TEKT1: variants seen among roughly 807,000 people sequenced by gnomAD.
TEKT1 encodes the protein tektin-1.
A neutral mutation model predicts 34.8 loss-of-function variants in TEKT1; 32 were observed. That is an observed-to-expected ratio of 0.92 (90% CI 0.69 to 1.23). TEKT1 has a LOEUF of 1.23. Among genes scored for constraint, TEKT1 ranks in the 50% most tolerant of loss-of-function variants. The pLI is 0.00. For synonymous variants in TEKT1, 207 were observed against 199.8 expected (o/e 1.04, Z -0.30); for missense variants, 492 against 518.5 (o/e 0.95, Z 0.50).
intron 2 of TEKT1, 44 bp downstream of exon 2, chr17:6,830,143 C>G: frequency 1.3e-6 from 2 of 1,564,624 alleles, no homozygotes; most frequent in Non-Finnish European, 1.7e-6. Context: ...ACTCAACAGC[C>G]TCATCCTAGC....
rs543786655 is a variant in TEKT1 at position 6,819,074 on chromosome 17, C to T, written c.356+119G>A. The T allele has an allele frequency of 8.0e-5, 104 of 1,297,830 alleles. No homozygotes were observed. The Middle Eastern group carries it at 1.9e-3, about 23-fold the overall frequency. 80.4% of individuals were successfully genotyped at this position (1,297,830 alleles called of 1,614,324 possible). ...GGGCATGCTGGGATAACTTCAGGCT[C>T]TAAAAGAACACCTGCTCAAGTGCTG... On this transcript the variant is annotated intron_variant, in intron 3 of 7. Coordinates refer to ENST00000338694, the MANE Select transcript of TEKT1 (RefSeq NM_053285.2).
intron 6 of TEKT1, among the ~76,000 whole-genome samples, chr17:6,803,372 T>C (rs1345301811): frequency 6.6e-6 from 1 of 152,238 alleles, no homozygotes; most frequent in Admixed American, 6.5e-5. Context: ...CTTTGTCAGA[T>C]GAGTAGACTG....
Position 6,815,162 on chromosome 17 carries a change from CTTT to C in TEKT1, c.627_629del (p.Asn210del). The C allele has an allele frequency of 6.2e-7, 1 of 1,609,532 alleles. No homozygotes were observed. The highest frequency in any genetic ancestry group is 8.5e-7 in the Non-Finnish European group (1 of 1,177,596). On this transcript the variant is annotated inframe_deletion and splice_region_variant, in exon 5 of 8. Transcript: ENST00000338694. ...GGAGGAAGACGGCAAGGCCCACTCACTTTGGCTCAATCCTCACGGCGTTCTCAG... is the reference window on the plus strand; with the variant it reads ...GGAGGAAGACGGCAAGGCCCACTCACGGCTCAATCCTCACGGCGTTCTCAG...
intron 2 of TEKT1, among the ~76,000 whole-genome samples, chr17:6,826,311 T>G (rs1481579935): frequency 6.6e-6 from 1 of 152,218 alleles, no homozygotes; most frequent in Non-Finnish European, 1.5e-5. Context: ...GCCTTTTTCT[T>G]TTGTATTCTT....
Position 6,800,157 on chromosome 17 carries a change from A to T in TEKT1, c.1127T>A (p.Ile376Asn). ...ATAAATGGTGTTCTCTTTGACCTGG[A>T]TCTCCTCCTGCAGGGCAAGCTGTCT... ...HRRQLALQEE[I>N]QVKENTIYID... The change falls in exon 8 of 8, where the codon ATC becomes AAC. Residue 376 changes from isoleucine to asparagine, a missense_variant. By Grantham distance (149) the Ile-to-Asn change is moderately radical. Coordinates refer to ENST00000338694, the MANE Select transcript of TEKT1 (RefSeq NM_053285.2). The T allele has an allele frequency of 6.2e-7, 1 of 1,614,170 alleles. No homozygotes were observed. The highest frequency in any genetic ancestry group is 1.7e-5 in the Admixed American group (1 of 60,018).
chr17:6,812,463 G>A (rs1976941280), intron 6 of TEKT1, among the ~76,000 whole-genome samples: 1 of 152,204 alleles, frequency 6.6e-6, no homozygotes, highest in Admixed American at 6.5e-5. Context: ...GGGCACGTGA[G>A]AGCATGTAGT....
At chr17:6,800,972 C>T (rs1282902719) in intron 6 of TEKT1, 29 bp from the exon 7 acceptor site, 1 of 1,584,056 alleles carries the variant, frequency 6.3e-7, no homozygotes, top group Non-Finnish European at 8.6e-7. Context: ...GTAGGTGAGG[C>T]CAAGCTGTGC....
At chr17:6,828,813 T>A (rs963537017) in intron 2 of TEKT1, among the ~76,000 whole-genome samples, 84 of 152,280 alleles carry the variant, frequency 5.5e-4, no homozygotes, top group African/African-American at 1.5e-3. Context: ...TCTTTTTTTT[T>A]AAATGTGCTT....
intron 2 of TEKT1, among the ~76,000 whole-genome samples, chr17:6,823,258 G>A (rs1055642811): frequency 6.6e-6 from 1 of 152,186 alleles, no homozygotes; most frequent in Non-Finnish European, 1.5e-5. Context: ...GTAACTGGAT[G>A]CATCCAGTTT....
chr17:6,824,056 T>G (rs1328770262), intron 2 of TEKT1, among the ~76,000 whole-genome samples: 3 of 152,080 alleles, frequency 2.0e-5, no homozygotes, highest in African/African-American at 7.2e-5. Flanking sequence ...TCTCCTGATC[T>G]CGTGATCTGC....
intron 2 of TEKT1, among the ~76,000 whole-genome samples, chr17:6,820,382 T>G (rs1977070991): frequency 6.6e-6 from 1 of 151,844 alleles, no homozygotes. Flanking sequence ...ATTAAATATA[T>G]ATATATTTAA....
At chr17:6,827,515 C>T (rs9911961) in intron 2 of TEKT1, among the ~76,000 whole-genome samples, 15,864 of 151,906 alleles carry the variant, frequency 0.1, 1,050 homozygotes, top group African/African-American at 0.19. Context: ...CCACCCACCT[C>T]GGCCTCCCAA....
In TEKT1 at chr17:6,798,138, C is replaced by T. The variant is rs1025800050; in HGVS notation, c.*1889G>A. ...GACACTGTGTTGAGAGTCTTCCACACGTTATCTCGCCAATCTAGGCTTTAT... is the reference window on the plus strand; with the variant it reads ...GACACTGTGTTGAGAGTCTTCCACATGTTATCTCGCCAATCTAGGCTTTAT... On this transcript the variant is annotated 3_prime_UTR_variant, in exon 8 of 8. Coordinates refer to ENST00000338694, the MANE Select transcript of TEKT1 (RefSeq NM_053285.2). The T allele has an allele frequency of 1.3e-5, 2 of 152,210 alleles. No individual in the cohort carries two copies. The highest frequency in any genetic ancestry group is 6.5e-5 in the Admixed American group (1 of 15,284). 9.4% of individuals were successfully genotyped at this position (152,210 alleles called of 1,614,324 possible). A position where few individuals can be genotyped will look rare whatever the true frequency, so the allele number is the denominator to read the frequency against.
At chr17:6,805,170 A>G (rs541135599) in intron 6 of TEKT1, among the ~76,000 whole-genome samples, 12 of 152,186 alleles carry the variant, frequency 7.9e-5, no homozygotes, top group East Asian at 7.7e-4. Context: ...CAGAGATTCA[A>G]CTTCTTCCTG....
chr17:6,814,743 C>A (rs1976979375), intron 5 of TEKT1, among the ~76,000 whole-genome samples: 1 of 151,338 alleles, frequency 6.6e-6, no homozygotes, highest in South Asian at 2.1e-4. Flanking sequence ...GAGGCTGAGA[C>A]AGGAGAATGG....
chr17:6,801,025 G>A lies in TEKT1; in HGVS notation c.853-82C>T, dbSNP rs150409254. The A allele has an allele frequency of 2.8e-3, 3,698 of 1,327,228 alleles. 5 individuals carry two copies. The highest frequency in any genetic ancestry group is 3.6e-3 in the Non-Finnish European group (3,488 of 960,386). 82.2% of individuals were successfully genotyped at this position (1,327,228 alleles called of 1,614,324 possible). A position where few individuals can be genotyped will look rare whatever the true frequency, so the allele number is the denominator to read the frequency against. On this transcript the variant is annotated intron_variant, in intron 6 of 7. Coordinates refer to ENST00000338694, the MANE Select transcript of TEKT1 (RefSeq NM_053285.2). ...CTGACAGCAGATGGGTTGTGATCAT[G>A]TAAGTTAGGAAGAGGGAACCTCAGA...
chr17:6,821,581 G>T (rs112045586), intron 2 of TEKT1, among the ~76,000 whole-genome samples: 7,098 of 152,246 alleles, frequency 0.047, 529 homozygotes, highest in African/African-American at 0.16. Flanking sequence ...GTGAGGCACT[G>T]CTATAAAGAT....
At chr17:6,816,023 G>T in intron 3 of TEKT1, 61 bp from the exon 4 acceptor site, 1 of 1,598,940 alleles carries the variant, frequency 6.3e-7, no homozygotes, top group Non-Finnish European at 8.5e-7. Context: ...CTCAACATTG[G>T]CTAATGGCTG....
chr17:6,811,435 G>A lies in TEKT1; in HGVS notation c.852+1396C>T, dbSNP rs1333449938. 1.3e-5 allele frequency among the ~76,000 whole-genome samples: 2 copies of A among 151,926 alleles called. No homozygotes were observed. The highest frequency in any genetic ancestry group is 2.1e-4 in the South Asian group (1 of 4,812). ...TTGTTTCTCCCCATTTTATCAAGGA[G>A]GAAACTAAGGAACAGGGGAGTTCAG... On this transcript the variant is annotated intron_variant, in intron 6 of 7. Coordinates refer to ENST00000338694, the MANE Select transcript of TEKT1 (RefSeq NM_053285.2). This position sits in a 1 kb window ranked among gnomAD's most constrained non-coding sequence, Gnocchi z 4.4.
Sources: allele counts gnomAD v4.1 joint callset (sites outside exome capture counted in the v4.1 genomes callset), GRCh38; gene constraint gnomAD v4.1.1; non-coding constraint Gnocchi (gnomAD v3.1); transcripts MANE v1.5; gene names NCBI Gene and HGNC (gene_info 2026-07-23, HGNC 2026-07-21).